Variants in C1orf210 observed in about 807,000 individuals in gnomAD.
The protein encoded by C1orf210 is type III endosome membrane protein TEMP.
C1orf210 carries 3 observed loss-of-function variants against 3.7 expected under a neutral mutation model. The observed-to-expected ratio is 0.81, with a 90% CI of 0.37 to 2.08. The LOEUF (loss-of-function observed/expected upper bound fraction) is 2.08. Among genes scored for constraint, C1orf210 ranks in the 30% most tolerant of loss-of-function variants. The pLI is 0.06. For missense variants in C1orf210, 143 were observed against 147.7 expected, an observed-to-expected ratio of 0.97 and a Z score of 0.17; for synonymous variants, 62 against 61.7, an observed-to-expected ratio of 1.00 and a Z score of -0.02.
rs1274736700 is a variant in C1orf210, at chr1:43,283,137, G to T, written c.20-30C>A. On this transcript the variant is annotated intron_variant, in intron 2 of 2. Transcript: ENST00000523677. The stretch of plus-strand genomic sequence containing the variant: ...AGAGAAAGGGACAGCATTATAGGTG[G>T]GCCCCAGAGGGGGCTCCCTGGAGAA... The T allele has an allele frequency of 5.6e-6, 9 of 1,601,604 alleles. No homozygotes were observed. In the East Asian group the frequency reaches 1.6e-4, roughly 28 times the overall value.
intron 1 of C1orf210, 21 bp from the exon 2 acceptor site, chr1:43,283,389 G>A (rs1646559983): frequency 2.2e-6 from 3 of 1,374,126 alleles, no homozygotes; most frequent in East Asian, 2.3e-5. Context: ...ACATAGGTAT[G>A]GGTGTCAGGG....
upstream of C1orf210, chr1:43,285,742 A>T (rs1253656182): frequency 2.0e-5 from 3 of 152,278 alleles, no homozygotes; most frequent in Non-Finnish European, 4.4e-5. Context: ...CCTCTCCCCC[A>T]AGCTTTTGCC....
At chr1:43,284,949 T>C (rs1229327325) in intron 1 of C1orf210, among the ~76,000 whole-genome samples, 1 of 152,208 alleles carries the variant, frequency 6.6e-6, no homozygotes, top group African/African-American at 2.4e-5. Context: ...GAACCAGTCA[T>C]TGCTAGGCGG....
chr1:43,283,444 A>T lies in C1orf210; in HGVS notation c.-98-76T>A. 4 of 777,138 alleles carry T rather than the reference A, an allele frequency of 5.1e-6. No individual in the cohort carries two copies. The South Asian group carries it at 8.5e-5, about 17-fold the overall frequency. 48.1% of individuals were successfully genotyped at this position (777,138 alleles called of 1,614,324 possible). ...TCCAGGTCACACTCACAGCCATGGT[A>T]GCCCTGCACAAACTCTGGGGACTGG... On this transcript the variant is annotated intron_variant, in intron 1 of 2. Coordinates refer to ENST00000523677, the MANE Select transcript of C1orf210 (RefSeq NM_182517.3).
Position 43,283,029 on chromosome 1 carries a change from A to G in C1orf210, c.98T>C (p.Val33Ala). 1 of 1,614,080 alleles carries G rather than the reference A, an allele frequency of 6.2e-7. No homozygotes were observed. The highest frequency in any genetic ancestry group is 8.5e-7 in the Non-Finnish European group (1 of 1,179,944). ...GPGTGARAWPVLVGFVLGAVV... is the reference protein window; with the variant it reads ...GPGTGARAWPALVGFVLGAVV... ...AGCCCCCAGCACAAATCCTACCAGC[A>G]CAGGCCATGCCCGAGCCCCAGTGCC... is the stretch of plus-strand genomic sequence containing the variant. Residue 33 changes from valine to alanine, a missense_variant, in exon 3 of 3, where the codon GTG (valine) becomes GCG (alanine). Coordinates refer to ENST00000523677, the MANE Select transcript of C1orf210 (RefSeq NM_182517.3).
rs1413078454 is a variant in C1orf210, at chr1:43,283,236, T to G, written c.19+16A>C. 2.5e-6 allele frequency: 4 copies of G among 1,609,608 alleles called. No homozygotes were observed. The African/African-American group carries it at 4.0e-5, about 16-fold the overall frequency. On this transcript the variant is annotated intron_variant, in intron 2 of 2. Transcript: ENST00000523677. ...GGGAAGCCCCCCACCCCCATCATCC[T>G]CCCACTGTCACTCACTTTTGTTTGT...
At chr1:43,283,204 A>C (rs565931482) in intron 2 of C1orf210, 48 bp downstream of exon 2, 1 of 1,600,484 alleles carries the variant, frequency 6.2e-7, no homozygotes, top group African/African-American at 1.3e-5. Context: ...CAACCCCAGC[A>C]TCTAAGGGGA....
chr1:43,285,842 G>A (rs746542768), upstream of C1orf210, among the ~76,000 whole-genome samples: 1 of 152,258 alleles, frequency 6.6e-6, no homozygotes, highest in African/African-American at 2.4e-5. Context: ...GCGGGCCCTA[G>A]AGGGGCAGAC....
intron 1 of C1orf210, among the ~76,000 whole-genome samples, chr1:43,284,834 G>T (rs943990425): frequency 6.6e-6 from 1 of 152,090 alleles, no homozygotes; most frequent in Non-Finnish European, 1.5e-5. Flanking sequence ...CAGTTTTTGG[G>T]GCGCCAGTCT....
Position 43,283,264 on chromosome 1 carries a change from C to T in C1orf210, c.7G>A (p.Glu3Lys). MN[E>K]TNKTLVGPSE... is the part of the protein sequence containing the mutation. ...CACTGTCACTCACTTTTGTTTGTCT[C>T]ATTCATGGAGGGGCCTGATGACACC... The change falls in exon 2 of 3, where the codon GAG (glutamate) becomes AAG (lysine). Residue 3 changes from glutamate (E) to lysine (K), a missense_variant. Glu to Lys is a moderately conservative substitution (Grantham distance 56). Transcript: ENST00000523677. The T allele has an allele frequency of 1.2e-6, 2 of 1,614,104 alleles. No individual in the cohort carries two copies. The highest frequency in any genetic ancestry group is 1.7e-6 in the Non-Finnish European group (2 of 1,179,980).
intron 1 of C1orf210, among the ~76,000 whole-genome samples, chr1:43,284,577 C>A (rs1348744831): frequency 6.6e-6 from 1 of 152,140 alleles, no homozygotes; most frequent in Non-Finnish European, 1.5e-5. Flanking sequence ...AATCTCCTAA[C>A]TGGGCTCCCC....
At chr1:43,283,691 T>C (rs959319369) in intron 1 of C1orf210, among the ~76,000 whole-genome samples, 3 of 152,200 alleles carry the variant, frequency 2.0e-5, no homozygotes, top group Non-Finnish European at 4.4e-5. Flanking sequence ...AGATGAGGGC[T>C]CTGAGGCTGA....
In C1orf210 at chr1:43,284,106, T is replaced by A. The variant is rs116771904; in HGVS notation, c.-98-738A>T. The stretch of plus-strand genomic sequence containing the variant: ...GAATCAGGAAATTATCACCCAGGGC[T>A]GGGGACACCTAGAGGAGGAACACTT... On this transcript the variant is annotated intron_variant, in intron 1 of 2. Transcript: ENST00000523677. Among the ~76,000 whole-genome samples, 1,038 of 152,276 alleles carry A rather than the reference T, an allele frequency of 6.8e-3. 9 individuals carry two copies. The highest frequency in any genetic ancestry group is 0.024 in the African/African-American group (1,000 of 41,546).
intron 1 of C1orf210, among the ~76,000 whole-genome samples, chr1:43,285,173 C>G (rs555412329): frequency 5.7e-4 from 87 of 152,234 alleles, no homozygotes; most frequent in African/African-American, 2.1e-3. Flanking sequence ...GTACTAGGTC[C>G]GCAAAACATG....
intron 1 of C1orf210, among the ~76,000 whole-genome samples, chr1:43,284,903 G>A (rs1646570585): frequency 6.6e-6 from 1 of 152,204 alleles, no homozygotes; most frequent in African/African-American, 2.4e-5. Context: ...TACCCTGGAT[G>A]ACCTGTCACC....
At chr1:43,284,995 T>C (rs1646571312) in intron 1 of C1orf210, among the ~76,000 whole-genome samples, 1 of 152,220 alleles carries the variant, frequency 6.6e-6, no homozygotes, top group Non-Finnish European at 1.5e-5. Context: ...CTGAAGGATC[T>C]GTACCCTGGC....
intron 1 of C1orf210, among the ~76,000 whole-genome samples, chr1:43,284,425 A>C (rs986879900): frequency 9.3e-5 from 14 of 149,980 alleles, no homozygotes; most frequent in African/African-American, 3.4e-4. Flanking sequence ...GTGCCTTCAA[A>C]CCCCCCCCAA....
At position 43,283,021 on chromosome 1, in the gene C1orf210, C is replaced by G. The variant is rs913812832; in HGVS notation, c.106G>C (p.Gly36Arg). Residue 36 changes from glycine to arginine, a missense_variant, in exon 3 of 3, where the codon GGA (glycine) becomes CGA (arginine). Coordinates refer to ENST00000523677, the MANE Select transcript of C1orf210 (RefSeq NM_182517.3). ...TGARAWPVLV[G>R]FVLGAVVLSL... is the part of the protein sequence containing the mutation. ...AGGACCACAGCCCCCAGCACAAATC[C>G]TACCAGCACAGGCCATGCCCGAGCC... is the stretch of plus-strand genomic sequence containing the variant. The G allele has an allele frequency of 6.2e-7, 1 of 1,613,978 alleles. No individual in the cohort carries two copies. The highest frequency in any genetic ancestry group is 1.3e-5 in the African/African-American group (1 of 74,916).
rs781572046 is a variant in C1orf210, at chr1:43,282,897, C to T, written c.230G>A (p.Arg77His). ...RPLPETGRGG[R>H]PQVAEDEDDD... ...ATCCTCATCTTCAGCCACCTGTGGG[C>T]GGCCTCCCCTTCCTGTCTCAGGCAG... The change falls in exon 3 of 3, where the codon CGC becomes CAC. Residue 77 changes from arginine (R) to histidine (H), a missense_variant. Physicochemically the swap from Arg to His is conservative, Grantham distance 29 (BLOSUM62 0). Coordinates refer to ENST00000523677, the MANE Select transcript of C1orf210 (RefSeq NM_182517.3). 22 of 1,614,020 alleles carry T rather than the reference C, an allele frequency of 1.4e-5. No homozygotes were observed. Among genetic ancestry groups the T allele is most frequent in the African/African-American group, 2.7e-5 (2 of 75,048 alleles).
Sources: allele counts gnomAD v4.1 joint callset (sites outside exome capture counted in the v4.1 genomes callset), GRCh38; gene constraint gnomAD v4.1.1; transcripts MANE v1.5; gene names NCBI Gene and HGNC (gene_info 2026-07-23, HGNC 2026-07-21).